Variants in NFATC3 observed in about 807,000 individuals in gnomAD.
NFATC3 encodes the protein nuclear factor of activated T-cells, cytoplasmic 3.
In NFATC3, 46 loss-of-function variants were observed where a neutral mutation model predicts 98.6. The ratio of observed to expected loss-of-function variants is 0.47; its 90% CI spans 0.37 to 0.60. The LOEUF is 0.60. Ranked by LOEUF, NFATC3 falls within the 20% of genes least tolerant of loss-of-function variation. The probability of loss-of-function intolerance (pLI) is 0.00; values close to 1 mark genes in which losing one functional copy is unlikely to be tolerated. For synonymous variants in NFATC3, 512 were observed against 472.2 expected (o/e 1.08, Z -1.09); for missense variants, 1,256 against 1,295.5 (o/e 0.97, Z 0.47).
At chr16:68,195,007 C>G (rs749701937) in intron 9 of NFATC3, among the ~76,000 whole-genome samples, 4 of 151,860 alleles carry the variant, frequency 2.6e-5, no homozygotes, top group Non-Finnish European at 4.4e-5. Flanking sequence ...AAACTCAGCA[C>G]TTTGGGAGGC....
intron 9 of NFATC3, chr16:68,221,500 A>C: frequency 1.6e-6 from 2 of 1,266,070 alleles, no homozygotes; most frequent in Non-Finnish European, 2.0e-6. Context: ...CAAGTCCCCA[A>C]ATTGTTTTAA....
chr16:68,141,393 A>G (rs1481916404), intron 3 of NFATC3, among the ~76,000 whole-genome samples: 1 of 152,212 alleles, frequency 6.6e-6, no homozygotes, highest in Non-Finnish European at 1.5e-5. Context: ...ACTGTTTTCC[A>G]TAATTGTTTT....
intron 3 of NFATC3, among the ~76,000 whole-genome samples, chr16:68,131,370 C>T (rs1051598167): frequency 6.6e-6 from 1 of 152,108 alleles, no homozygotes; most frequent in African/African-American, 2.4e-5. Context: ...CTCTGCCTTC[C>T]GGGTTCAGGT....
intron 3 of NFATC3, among the ~76,000 whole-genome samples, chr16:68,132,575 A>G (rs971672150): frequency 2.0e-5 from 3 of 152,222 alleles, no homozygotes; most frequent in African/African-American, 4.8e-5. Context: ...GGAAATCAGT[A>G]TACTGAAGAG....
At position 68,122,348 on chromosome 16, in the gene NFATC3, A is replaced by T. The variant is rs1323493930; in HGVS notation, c.465A>T (p.Pro155=). 15 of 1,614,106 alleles carry T rather than the reference A, an allele frequency of 9.3e-6. No homozygotes were observed. Among genetic ancestry groups the T allele is most frequent in the Non-Finnish European group, 1.3e-5 (15 of 1,180,014 alleles). ...ATCATCTCTATCTTCCTCTTGAGCC[A>T]TCCTACCGGGAGTCTTCTCTTAGTC... ...SRDHLYLPLE[P]SYRESSLSPS... The change falls in exon 2 of 10, where the codon CCA becomes CCT. Residue 155 remains proline, a synonymous_variant. Coordinates refer to ENST00000346183, the MANE Select transcript of NFATC3 (RefSeq NM_173165.3).
intron 1 of NFATC3, among the ~76,000 whole-genome samples, chr16:68,103,662 G>A (rs936677352): frequency 1.3e-5 from 2 of 152,256 alleles, no homozygotes; most frequent in Admixed American, 1.3e-4. Context: ...GCTTCTAAGA[G>A]TTTTATGCTT....
intron 8 of NFATC3, among the ~76,000 whole-genome samples, chr16:68,188,772 T>C (rs2040319931): frequency 6.6e-6 from 1 of 152,166 alleles, no homozygotes; most frequent in Non-Finnish European, 1.5e-5. Flanking sequence ...GCAATGGTAC[T>C]ATCTCGTTTC....
At chr16:68,149,966 C>T (rs2038229138) in intron 3 of NFATC3, among the ~76,000 whole-genome samples, 1 of 151,972 alleles carries the variant, frequency 6.6e-6, no homozygotes, top group South Asian at 2.1e-4. Context: ...AGCATTTTTC[C>T]ATTTATTTAT....
rs184295924 is a variant in NFATC3, at chr16:68,094,174, G to A, written c.103+8390G>A. On this transcript the variant is annotated intron_variant, in intron 1 of 9. Transcript: ENST00000346183. ...GAGGTCAAGAGGTGATATCATTTTA[G>A]GTTTTAAGGCAGTTTACTCTAAGGA... Among the ~76,000 whole-genome samples, 91 of 152,194 alleles carry A rather than the reference G, an allele frequency of 6.0e-4. 2 individuals are homozygous for A. The highest frequency in any genetic ancestry group is 3.5e-3 in the South Asian group (17 of 4,826).
intron 9 of NFATC3, among the ~76,000 whole-genome samples, chr16:68,211,941 G>A (rs1386765152): frequency 6.6e-6 from 1 of 152,228 alleles, no homozygotes; most frequent in Non-Finnish European, 1.5e-5. Context: ...GCAAGTTTCT[G>A]TAAAGCACAA....
chr16:68,174,523 TATATG>T lies in NFATC3; in HGVS notation c.1915+11_1915+15del. The T allele has an allele frequency of 6.4e-7, 1 of 1,568,694 alleles. No individual in the cohort carries two copies. The highest frequency in any genetic ancestry group is 1.2e-5 in the South Asian group (1 of 81,386). ...TCTTGAAAAAGGACAAGGTAAGTAA[TATATG>T]AGTTGATTGACTTCAAACTAAGGGG... On this transcript the variant is annotated intron_variant, in intron 6 of 9. Coordinates refer to ENST00000346183, the MANE Select transcript of NFATC3 (RefSeq NM_173165.3).
At chr16:68,099,636 A>G (rs2035235175) in intron 1 of NFATC3, among the ~76,000 whole-genome samples, 1 of 151,400 alleles carries the variant, frequency 6.6e-6, no homozygotes, top group Non-Finnish European at 1.5e-5. Flanking sequence ...AATAATAAAA[A>G]ATATAGAACT....
chr16:68,181,438 T>A (rs750825897), intron 6 of NFATC3, 37 bp from the exon 7 acceptor site: 1 of 1,495,378 alleles, frequency 6.7e-7, no homozygotes, highest in African/African-American at 1.4e-5. Flanking sequence ...CTTTCTGATA[T>A]GAATTGCTTT....
intron 1 of NFATC3, among the ~76,000 whole-genome samples, chr16:68,105,925 C>T (rs1471539828): frequency 6.6e-6 from 1 of 152,024 alleles, no homozygotes; most frequent in Non-Finnish European, 1.5e-5. Flanking sequence ...GTTGCTCAGA[C>T]TAGAGTGCAG....
At chr16:68,208,521 G>T (rs1211284932) in intron 9 of NFATC3, among the ~76,000 whole-genome samples, 1 of 152,052 alleles carries the variant, frequency 6.6e-6, no homozygotes, top group East Asian at 1.9e-4. Context: ...GACCAACCTG[G>T]CTAACGTGGG....
intron 9 of NFATC3, among the ~76,000 whole-genome samples, chr16:68,222,838 GT>G (rs759413089): frequency 2.0e-4 from 30 of 152,174 alleles, no homozygotes; most frequent in Non-Finnish European, 3.7e-4. Flanking sequence ...GAGGAGGCAT[GT>G]TAGAAGTCAC....
At chr16:68,167,757 T>A (rs1392031548) in intron 5 of NFATC3, among the ~76,000 whole-genome samples, 1 of 150,258 alleles carries the variant, frequency 6.7e-6, no homozygotes, top group Non-Finnish European at 1.5e-5. Flanking sequence ...AAAACAGGTT[T>A]TCTTATACTC....
At chr16:68,112,649 T>TC (rs2036030651) in intron 1 of NFATC3, among the ~76,000 whole-genome samples, 1 of 129,482 alleles carries the variant, frequency 7.7e-6, no homozygotes, top group African/African-American at 2.9e-5. Context: ...CTTTTTCGTT[T>TC]TTTTTTTTTT....
At chr16:68,151,238 C>CA (rs2038303768) in intron 3 of NFATC3, among the ~76,000 whole-genome samples, 1 of 151,720 alleles carries the variant, frequency 6.6e-6, no homozygotes, top group Non-Finnish European at 1.5e-5. Flanking sequence ...CTATAGAAGA[C>CA]ACAGTGAAGT....
Sources: allele counts gnomAD v4.1 joint callset (sites outside exome capture counted in the v4.1 genomes callset), GRCh38; gene constraint gnomAD v4.1.1; transcripts MANE v1.5; gene names NCBI Gene and HGNC (gene_info 2026-07-23, HGNC 2026-07-21).